EYA4: variants seen among roughly 807,000 people sequenced by gnomAD.
The protein encoded by EYA4 is protein phosphatase EYA4.
EYA4 carries 31 observed loss-of-function variants against 87.9 expected under a neutral mutation model. That is an observed-to-expected ratio of 0.35 (90% confidence interval 0.27 to 0.48). EYA4 has a LOEUF of 0.48. EYA4 is among the 20% of genes least tolerant of loss of function. The probability of loss-of-function intolerance (pLI) is 0.99; values close to 1 mark genes in which losing one functional copy is unlikely to be tolerated. For synonymous variants in EYA4, 263 were observed against 270.6 expected (o/e 0.97, Z 0.28); for missense variants, 678 against 761.4 (o/e 0.89, Z 1.29).
Position 133,393,102 on chromosome 6 carries a change from G to A in EYA4, c.83+10661G>A, listed in dbSNP as rs1428088841. On this transcript the variant is annotated intron_variant, in intron 3 of 19. Coordinates refer to ENST00000355286, the MANE Select transcript of EYA4 (RefSeq NM_004100.5). ...TGAGTATTCTCCAAGATTGCTTAGG[G>A]GTTATTAAGCATCTTAAATCCTTAT... 2.0e-5 allele frequency among the ~76,000 whole-genome samples: 3 copies of A among 152,106 alleles called. No homozygotes were observed. In the East Asian group the frequency reaches 5.8e-4, roughly 29 times the overall value.
At chr6:133,502,300 T>C (rs1798199320) in intron 13 of EYA4, 1 of 152,182 alleles carries the variant, frequency 6.6e-6, no homozygotes, top group Admixed American at 6.5e-5. Flanking sequence ...TCCAAGATTT[T>C]GCTATCACCT....
rs1049807530 is a variant in EYA4, at chr6:133,531,939, A to G, written c.*3134A>G. On this transcript the variant is annotated 3_prime_UTR_variant, in exon 20 of 20. Transcript: ENST00000355286. ...AGCCAAAGTTGCACTTTGACTCCCA[A>G]CTACGGTAGCATTATGGACATCTCA... is the stretch of plus-strand genomic sequence containing the variant. The G allele has an allele frequency of 2.0e-5, 3 of 152,184 alleles. No homozygotes were observed. The highest frequency in any genetic ancestry group is 4.4e-5 in the Non-Finnish European group (3 of 68,024). 9.4% of individuals were successfully genotyped at this position (152,184 alleles called of 1,614,324 possible).
chr6:133,261,443 G>A (rs1032213251), intron 1 of EYA4, among the ~76,000 whole-genome samples: 2 of 151,984 alleles, frequency 1.3e-5, no homozygotes, highest in African/African-American at 2.4e-5. Flanking sequence ...TCACATGTCC[G>A]TCTATAATTG....
intron 3 of EYA4, among the ~76,000 whole-genome samples, chr6:133,441,505 C>T (rs1292677879): frequency 4.4e-4 from 67 of 152,218 alleles, no homozygotes; most frequent in Non-Finnish European, 1.5e-4. Flanking sequence ...ATGGTGAGTG[C>T]ACACCTGGAC....
chr6:133,316,666 T>A (rs1454247659), intron 2 of EYA4, among the ~76,000 whole-genome samples: 2 of 152,234 alleles, frequency 1.3e-5, no homozygotes, highest in Non-Finnish European at 2.9e-5. Flanking sequence ...TTATTCATAC[T>A]GTGTTTTGCC....
intron 3 of EYA4, among the ~76,000 whole-genome samples, chr6:133,437,794 G>A (rs1472590384): frequency 6.6e-6 from 1 of 152,178 alleles, no homozygotes; most frequent in Non-Finnish European, 1.5e-5. Context: ...CAGATCTTGT[G>A]AGAACTCACT....
At chr6:133,396,682 A>G (rs990870395) in intron 3 of EYA4, among the ~76,000 whole-genome samples, 2 of 152,176 alleles carry the variant, frequency 1.3e-5, no homozygotes, top group Non-Finnish European at 1.5e-5. Context: ...AAACCATGGT[A>G]TAGAGAAAAA....
intron 2 of EYA4, among the ~76,000 whole-genome samples, chr6:133,275,996 CTT>C (rs888831286): frequency 2.6e-5 from 4 of 152,118 alleles, no homozygotes; most frequent in African/African-American, 9.7e-5. Context: ...GGCTTTCAAA[CTT>C]TTAAAAATGC....
intron 14 of EYA4, among the ~76,000 whole-genome samples, chr6:133,511,342 A>G (rs1053552665): frequency 1.3e-5 from 2 of 152,122 alleles, no homozygotes; most frequent in African/African-American, 4.8e-5. Flanking sequence ...TTAATTTTGA[A>G]TGCTAAGCAC....
intron 9 of EYA4, among the ~76,000 whole-genome samples, chr6:133,463,335 T>G (rs1794564331): frequency 6.6e-6 from 1 of 151,342 alleles, no homozygotes; most frequent in African/African-American, 2.4e-5. Context: ...TTTAGACTCC[T>G]ATTAAAATTG....
chr6:133,420,162 G>A (rs1222925646), intron 3 of EYA4, among the ~76,000 whole-genome samples: 1 of 151,800 alleles, frequency 6.6e-6, no homozygotes, highest in Non-Finnish European at 1.5e-5. Flanking sequence ...ACCTTATTAT[G>A]CAGAAATTTC....
intron 2 of EYA4, among the ~76,000 whole-genome samples, chr6:133,373,901 T>C (rs1008206487): frequency 1.3e-5 from 2 of 152,088 alleles, no homozygotes; most frequent in Non-Finnish European, 2.9e-5. Context: ...TAACATGATA[T>C]GTTAAAGCAT....
chr6:133,270,634 GT>G (rs34668463), intron 1 of EYA4, among the ~76,000 whole-genome samples: 107 of 151,328 alleles, frequency 7.1e-4, no homozygotes, highest in African/African-American at 2.3e-3. Flanking sequence ...AACAGGTCAT[GT>G]TTTTTTTTCC....
intron 2 of EYA4, among the ~76,000 whole-genome samples, chr6:133,304,752 A>G (rs753456623): frequency 6.6e-6 from 1 of 152,186 alleles, no homozygotes; most frequent in East Asian, 1.9e-4. Flanking sequence ...CAAATGATCT[A>G]TCTTTCAGGG....
intron 13 of EYA4, among the ~76,000 whole-genome samples, chr6:133,492,272 G>A (rs1167286963): frequency 6.6e-6 from 1 of 152,048 alleles, no homozygotes; most frequent in African/African-American, 2.4e-5. Context: ...GACCCAAGTG[G>A]GCTTTACCCC....
At chr6:133,429,628 G>T (rs957310922) in intron 3 of EYA4, among the ~76,000 whole-genome samples, 3 of 152,084 alleles carry the variant, frequency 2.0e-5, no homozygotes, top group Admixed American at 2.0e-4. Context: ...GAAATAATGA[G>T]AATCAGGGGT....
At chr6:133,507,658 G>T (rs1798763638) in intron 14 of EYA4, among the ~76,000 whole-genome samples, 1 of 152,202 alleles carries the variant, frequency 6.6e-6, no homozygotes, top group Non-Finnish European at 1.5e-5. Flanking sequence ...AGTTTGCTGA[G>T]AATGACGATT....
chr6:133,435,670 C>T (rs1465288977), intron 3 of EYA4: 1 of 152,196 alleles, frequency 6.6e-6, no homozygotes, highest in East Asian at 1.9e-4. Context: ...GCATTGTTAC[C>T]TGATGTTTTT....
At chr6:133,422,560 C>A (rs1438512733) in intron 3 of EYA4, among the ~76,000 whole-genome samples, 2 of 152,028 alleles carry the variant, frequency 1.3e-5, no homozygotes, top group Non-Finnish European at 2.9e-5. Context: ...CTCTTAGAAA[C>A]CATGTTATGG....
Sources: gnomAD v4.1 joint callset for allele counts (sites outside exome capture counted in the v4.1 genomes callset) on GRCh38, gnomAD v4.1.1 for gene constraint, MANE v1.5 for transcripts, NCBI Gene and HGNC (gene_info 2026-07-23, HGNC 2026-07-21) for gene names.